The following KIAA1671 variants were observed in gnomAD, a reference collection of about 807,000 sequenced individuals.
KIAA1671 encodes the protein uncharacterized protein KIAA1671.
A neutral mutation model predicts 131.2 loss-of-function variants in KIAA1671; 52 were observed. The observed-to-expected ratio is 0.40, with a 90% confidence interval of 0.32 to 0.50. The LOEUF (loss-of-function observed/expected upper bound fraction) is 0.50. KIAA1671 is among the 20% of genes least tolerant of loss of function. The probability of loss-of-function intolerance (pLI) is 0.73; values close to 1 mark genes in which losing one functional copy is unlikely to be tolerated. For synonymous variants in KIAA1671, 1,003 were observed against 961.6 expected (o/e 1.04, Z -0.80); for missense variants, 2,360 against 2,364.2 (o/e 1.00, Z 0.04).
intron 1 of KIAA1671, among the ~76,000 whole-genome samples, chr22:24,995,200 G>A (rs1054207812): frequency 1.3e-5 from 2 of 151,576 alleles, no homozygotes; most frequent in African/African-American, 2.4e-5. Flanking sequence ...ACAAGTGCCC[G>A]CCACCATGCC....
At chr22:24,960,016 C>G (rs1170930066) in intron 1 of KIAA1671, among the ~76,000 whole-genome samples, 1 of 150,784 alleles carries the variant, frequency 6.6e-6, no homozygotes, top group Non-Finnish European at 1.5e-5. Context: ...CGCCTGTGGT[C>G]CCAGCTACTC....
chr22:24,976,842 GGGGACCTGCCAGTCATGAGT>G (rs6147571), intron 1 of KIAA1671, among the ~76,000 whole-genome samples: 2 of 151,642 alleles, frequency 1.3e-5, no homozygotes, highest in Admixed American at 6.6e-5. Context: ...CTGGCTTCCC[GGGGACCTGCCAGTCATGAGT>G]GGGACCTGCC....
chr22:25,040,937 TCA>T lies in KIAA1671; in HGVS notation c.3810_3811del (p.His1270GlnfsTer23). On this transcript the variant is annotated frameshift_variant, in exon 5 of 13. Coordinates refer to ENST00000358431, the MANE Select transcript of KIAA1671 (RefSeq NM_001145206.2). LOFTEE classifies it high-confidence loss of function. ...WKPASSAEINHSFTPGLGKQL... is the reference protein window; with the variant it reads ...WKPASSAEINXSFTPGLGKQL... Reference sequence around the variant, plus strand: ...AACCGGCCAGTTCTGCCGAAATAAATCACAGTTTCACTCCTGGCTTAGGCAAG... The same window carrying T: ...AACCGGCCAGTTCTGCCGAAATAAATCAGTTTCACTCCTGGCTTAGGCAAG... 2.0e-6 allele frequency: 3 copies of T among 1,481,994 alleles called. No individual in the cohort carries two copies. Among genetic ancestry groups the T allele is most frequent in the Non-Finnish European group, 2.7e-6 (3 of 1,115,746 alleles). 91.8% of individuals were successfully genotyped at this position (1,481,994 alleles called of 1,614,324 possible). A position where few individuals can be genotyped will look rare whatever the true frequency, so the allele number is the denominator to read the frequency against.
At chr22:25,116,603 G>A (rs1938499736) in intron 6 of KIAA1671, among the ~76,000 whole-genome samples, 2 of 151,436 alleles carry the variant, frequency 1.3e-5, no homozygotes, top group South Asian at 2.1e-4. Flanking sequence ...TGTATTTTTA[G>A]TAGAGACAGG....
intron 6 of KIAA1671, among the ~76,000 whole-genome samples, chr22:25,071,121 A>C (rs1928795992): frequency 6.6e-6 from 1 of 152,166 alleles, no homozygotes; most frequent in African/African-American, 2.4e-5. Flanking sequence ...GAGTGGGTGT[A>C]GGTGATTCTG....
chr22:25,058,116 T>C (rs1462869997), intron 6 of KIAA1671: 1 of 152,244 alleles, frequency 6.6e-6, no homozygotes, highest in East Asian at 1.9e-4. Context: ...AGGGAGATTT[T>C]CAAAACTTAG....
intron 6 of KIAA1671, among the ~76,000 whole-genome samples, chr22:25,162,978 ATG>A (rs1158402260): frequency 6.6e-6 from 1 of 152,142 alleles, no homozygotes; most frequent in Non-Finnish European, 1.5e-5. Context: ...ACTCCCATTT[ATG>A]TGTTTGTTTT....
rs1934791995 is a variant in KIAA1671, at chr22:25,195,386, C to T, written c.*2985C>T. 3 of 152,036 alleles carry T rather than the reference C, an allele frequency of 2.0e-5. 1 individual carries two copies. Among genetic ancestry groups the T allele is most frequent in the Admixed American group, 1.3e-4 (2 of 15,254 alleles). The allele number at this position is 152,036 out of a possible 1,614,324, so 9.4% of individuals were successfully genotyped here. On this transcript the variant is annotated 3_prime_UTR_variant, in exon 13 of 13. Transcript: ENST00000358431. Reference sequence around the variant, plus strand: ...GGATTACTCCATGCCACCGGAGAAACTCTGGTGAAAGAGAAACCTCGTGGT... The same window carrying T: ...GGATTACTCCATGCCACCGGAGAAATTCTGGTGAAAGAGAAACCTCGTGGT...
intron 1 of KIAA1671, chr22:25,011,288 CA>C: frequency 6.6e-6 from 1 of 152,314 alleles, no homozygotes; most frequent in South Asian, 2.1e-4. Flanking sequence ...GCTGGGATTA[CA>C]GGCAAGCACC....
chr22:25,018,991 T>G (rs943040295), intron 1 of KIAA1671, among the ~76,000 whole-genome samples: 2 of 152,086 alleles, frequency 1.3e-5, no homozygotes, highest in African/African-American at 4.8e-5. Context: ...CCATTTTATA[T>G]TCACAACACC....
chr22:25,082,740 G>A (rs757561245), intron 6 of KIAA1671, among the ~76,000 whole-genome samples: 4 of 152,180 alleles, frequency 2.6e-5, no homozygotes, highest in Admixed American at 1.3e-4. Flanking sequence ...AGGCTAGGCA[G>A]GAGGATCACT....
At chr22:24,976,045 G>T (rs1299346907) in intron 1 of KIAA1671, among the ~76,000 whole-genome samples, 1 of 152,244 alleles carries the variant, frequency 6.6e-6, no homozygotes. Flanking sequence ...TGGGAACCGA[G>T]TGAGTTTGTG....
intron 9 of KIAA1671, among the ~76,000 whole-genome samples, chr22:25,178,756 C>A (rs888895811): frequency 1.4e-4 from 21 of 152,278 alleles, no homozygotes; most frequent in African/African-American, 4.6e-4. Flanking sequence ...TGTGCAACCA[C>A]ATTAAGGAAA....
At chr22:25,083,166 G>A (rs949478210) in intron 6 of KIAA1671, among the ~76,000 whole-genome samples, 2 of 152,180 alleles carry the variant, frequency 1.3e-5, no homozygotes, top group Non-Finnish European at 2.9e-5. Flanking sequence ...AGATCAAGGT[G>A]TTGGCAAGTG....
At chr22:25,008,541 A>C (rs1440093897) in intron 1 of KIAA1671, among the ~76,000 whole-genome samples, 1 of 152,132 alleles carries the variant, frequency 6.6e-6, no homozygotes, top group Non-Finnish European at 1.5e-5. Context: ...AGGATATATA[A>C]AGTGGGATTT....
At chr22:25,087,812 T>C (rs1227190933) in intron 6 of KIAA1671, among the ~76,000 whole-genome samples, 2 of 152,138 alleles carry the variant, frequency 1.3e-5, no homozygotes, top group East Asian at 3.9e-4. Flanking sequence ...GGGGCAGCTT[T>C]TTCTCCACTG....
intron 8 of KIAA1671, chr22:25,176,244 GGAAGTAGCTA>G (rs1568992889): frequency 6.6e-6 from 1 of 152,156 alleles, no homozygotes; most frequent in Non-Finnish European, 1.5e-5. Flanking sequence ...GGCTGGTTTG[GGAAGTAGCTA>G]TGATCAGCTC....
At chr22:25,036,088 TA>T (rs1423056537) in intron 4 of KIAA1671, among the ~76,000 whole-genome samples, 1 of 152,120 alleles carries the variant, frequency 6.6e-6, no homozygotes, top group South Asian at 2.1e-4. Context: ...TTTATTTATT[TA>T]TTTTTTTAGA....
In KIAA1671 at chr22:25,149,971, A is replaced by G. The variant is rs150222926; in HGVS notation, c.4531-20849A>G. Among the ~76,000 whole-genome samples, 46 of 152,168 alleles carry G rather than the reference A, an allele frequency of 3.0e-4. No individual in the cohort carries two copies. The East Asian group carries it at 7.9e-3, about 26-fold the overall frequency. On this transcript the variant is annotated intron_variant, in intron 6 of 12. Transcript: ENST00000358431. Reference sequence around the variant, plus strand: ...GTGTTGCATCCATTCCATCCACTCCAGCCTCGGCCTTTGCGCTTCCCGTGC... The same window carrying G: ...GTGTTGCATCCATTCCATCCACTCCGGCCTCGGCCTTTGCGCTTCCCGTGC...
Sources: allele counts gnomAD v4.1 joint callset (sites outside exome capture counted in the v4.1 genomes callset), GRCh38; gene constraint gnomAD v4.1.1; transcripts MANE v1.5; gene names NCBI Gene and HGNC (gene_info 2026-07-23, HGNC 2026-07-21).